The following BHMT2 variants were observed in gnomAD, a reference collection of about 807,000 sequenced individuals.
The protein encoded by BHMT2 is S-methylmethionine--homocysteine S-methyltransferase BHMT2.
Under a neutral mutation model 39.0 loss-of-function variants are expected in BHMT2, and 28 were observed. The ratio of observed to expected loss-of-function variants is 0.72; its 90% CI spans 0.53 to 0.98. The LOEUF is 0.98. BHMT2 is among the 50% of genes least tolerant of loss of function. The pLI is 0.00. For synonymous variants in BHMT2, 145 were observed against 160.6 expected (o/e 0.90, Z 0.74); for missense variants, 410 against 455.6 (o/e 0.90, Z 0.91).
In BHMT2 at chr5:79,088,642, C is replaced by A. The variant is rs1201662543; in HGVS notation, c.*68C>A. 2.4e-6 allele frequency: 3 copies of A among 1,271,044 alleles called. No homozygotes were observed. The highest frequency in any genetic ancestry group is 1.5e-5 in the African/African-American group (1 of 67,670). 78.7% of individuals were successfully genotyped at this position (1,271,044 alleles called of 1,614,324 possible). On this transcript the variant is annotated 3_prime_UTR_variant, in exon 8 of 8. Coordinates refer to ENST00000255192, the MANE Select transcript of BHMT2 (RefSeq NM_017614.5). Reference sequence around the variant, plus strand: ...GTTGCCCTCAAGCCTGACCTGGAACCGTTCCTCACCTTCATCCTCACCATG... The same window carrying A: ...GTTGCCCTCAAGCCTGACCTGGAACAGTTCCTCACCTTCATCCTCACCATG...
rs199517002 is a variant in BHMT2, at chr5:79,083,672, G to C, written c.826G>C (p.Ala276Pro). 9.3e-6 allele frequency: 15 copies of C among 1,613,966 alleles called. No homozygotes were observed. Among genetic ancestry groups the C allele is most frequent in the Non-Finnish European group, 1.3e-5 (15 of 1,179,980 alleles). The part of the protein sequence containing the change: ...VATRWDIQKY[A>P]REAYNLGVRY... ...CACCAGATGGGATATTCAAAAATAC[G>C]CCAGAGAGGCCTACAACCTGGGGGT... The change falls in exon 7 of 8, where the codon GCC becomes CCC. Residue 276 changes from alanine (A) to proline (P), a missense_variant. Coordinates refer to ENST00000255192, the MANE Select transcript of BHMT2 (RefSeq NM_017614.5).
chr5:79,077,859 A>T, intron 2 of BHMT2: 1 of 332,128 alleles, frequency 3.0e-6, no homozygotes, highest in Non-Finnish European at 5.6e-6. Context: ...ACACTCCCAC[A>T]CACACACATC....
intron 1 of BHMT2, among the ~76,000 whole-genome samples, chr5:79,073,742 A>G (rs1401280088): frequency 2.6e-5 from 4 of 152,240 alleles, no homozygotes; most frequent in Non-Finnish European, 5.9e-5. Context: ...TATGTTTAAC[A>G]TAGTTCACAC....
chr5:79,080,221 G>A (rs1027374806), intron 3 of BHMT2, among the ~76,000 whole-genome samples: 1 of 152,220 alleles, frequency 6.6e-6, no homozygotes, highest in Non-Finnish European at 1.5e-5. Context: ...TCTGTAAAAT[G>A]GAGACAACAG....
intron 4 of BHMT2, 168 bp downstream of exon 4, chr5:79,081,046 G>T: frequency 1.7e-6 from 1 of 594,856 alleles, no homozygotes; most frequent in Non-Finnish European, 2.7e-6. Context: ...TCCCTCATTG[G>T]TATGCTAGGT....
chr5:79,086,371 A>G (rs1755894274), intron 7 of BHMT2, among the ~76,000 whole-genome samples: 1 of 152,120 alleles, frequency 6.6e-6, no homozygotes, highest in African/African-American at 2.4e-5. Flanking sequence ...GGGACAGTCA[A>G]ATGAGTCATC....
intron 1 of BHMT2, among the ~76,000 whole-genome samples, chr5:79,076,538 T>C (rs971537719): frequency 3.9e-5 from 6 of 152,296 alleles, no homozygotes; most frequent in African/African-American, 1.4e-4. Context: ...AAATAAGTTA[T>C]GAGTGGGCTA....
chr5:79,086,298 C>T (rs905792133), intron 7 of BHMT2, among the ~76,000 whole-genome samples: 2 of 152,184 alleles, frequency 1.3e-5, no homozygotes, highest in Non-Finnish European at 2.9e-5. Context: ...AATTTAACAG[C>T]ACCCCTTTTG....
chr5:79,073,383 G>A (rs553437533), intron 1 of BHMT2, among the ~76,000 whole-genome samples: 3 of 152,108 alleles, frequency 2.0e-5, no homozygotes, highest in African/African-American at 4.8e-5. Context: ...GCATTTATTG[G>A]TCACATTCTG....
intron 4 of BHMT2, among the ~76,000 whole-genome samples, chr5:79,081,212 A>G (rs531971626): frequency 6.6e-6 from 1 of 152,272 alleles, no homozygotes; most frequent in South Asian, 2.1e-4. Context: ...CAGAGGGAGA[A>G]TCCACACAGG....
Position 79,080,896 on chromosome 5 carries a change from G to A in BHMT2, c.450+18G>A. 1 of 1,548,370 alleles carries A rather than the reference G, an allele frequency of 6.5e-7. No homozygotes were observed. Among genetic ancestry groups the A allele is most frequent in the Non-Finnish European group, 8.7e-7 (1 of 1,154,054 alleles). On this transcript the variant is annotated intron_variant, in intron 4 of 7. Transcript: ENST00000255192. ...TTGCAGAGGTGAGGCTAGTATTGGA[G>A]GAAAAGGATTGAACCTATTTTGCAA...
chr5:79,079,454 A>T lies in BHMT2; in HGVS notation c.252A>T (p.Glu84Asp). Residue 84 changes from glutamate (E) to aspartate (D), a missense_variant, in exon 3 of 8, where the codon GAA becomes GAT. Coordinates refer to ENST00000255192, the MANE Select transcript of BHMT2 (RefSeq NM_017614.5). ...FTFSASEDNM[E>D]SKWEDVNAAA... ...TTTCTGCCAGTGAGGACAATATGGAAAGCAAGGTAAACGGCAATGGCTGGG... is the reference window on the plus strand; with the variant it reads ...TTTCTGCCAGTGAGGACAATATGGATAGCAAGGTAAACGGCAATGGCTGGG... 6.2e-7 allele frequency: 1 copy of T among 1,611,894 alleles called. No individual in the cohort carries two copies. The highest frequency in any genetic ancestry group is 8.5e-7 in the Non-Finnish European group (1 of 1,178,136).
chr5:79,084,195 A>G (rs1281879954), intron 7 of BHMT2, among the ~76,000 whole-genome samples: 2 of 152,222 alleles, frequency 1.3e-5, no homozygotes, highest in Non-Finnish European at 2.9e-5. Context: ...CATTCCTTAT[A>G]GATGATACCT....
Position 79,083,787 on chromosome 5 carries a change from C to A in BHMT2, c.941C>A (p.Pro314Gln). 1 of 1,614,098 alleles carries A rather than the reference C, an allele frequency of 6.2e-7. No homozygotes were observed. The highest frequency in any genetic ancestry group is 8.5e-7 in the Non-Finnish European group (1 of 1,180,024). Reference sequence around the variant, plus strand: ...GCCCCAGAAAGGGGCTTTTTGCCACCAGCTTCAGAAAAACACGGCAGCTGG... The same window carrying A: ...GCCCCAGAAAGGGGCTTTTTGCCACAAGCTTCAGAAAAACACGGCAGCTGG... ...ELAPERGFLP[P>Q]ASEKHGSWGS... The change falls in exon 7 of 8, where the codon CCA becomes CAA. Residue 314 changes from proline to glutamine, a missense_variant. By Grantham distance (76) the Pro-to-Gln change is moderately conservative. Coordinates refer to ENST00000255192, the MANE Select transcript of BHMT2 (RefSeq NM_017614.5).
intron 1 of BHMT2, among the ~76,000 whole-genome samples, chr5:79,070,874 T>C (rs1224120192): frequency 6.6e-6 from 1 of 152,166 alleles, no homozygotes; most frequent in Non-Finnish European, 1.5e-5. Flanking sequence ...AAGGACACAA[T>C]AATGGTAATA....
At chr5:79,080,928 C>A in intron 4 of BHMT2, 50 bp downstream of exon 4, 1 of 1,467,462 alleles carries the variant, frequency 6.8e-7, no homozygotes. Context: ...GCAAGCATAA[C>A]TGCAGAGTCT....
rs1206072810 is a variant in BHMT2 at position 79,088,629 on chromosome 5, C to T, written c.*55C>T. On this transcript the variant is annotated 3_prime_UTR_variant, in exon 8 of 8. Coordinates refer to ENST00000255192, the MANE Select transcript of BHMT2 (RefSeq NM_017614.5). ...CGAACAGGAAAAAGTTGCCCTCAAG[C>T]CTGACCTGGAACCGTTCCTCACCTT... is the stretch of plus-strand genomic sequence containing the variant. The T allele has an allele frequency of 1.6e-5, 23 of 1,475,682 alleles. No homozygotes were observed. The highest frequency in any genetic ancestry group is 2.2e-5 in the Non-Finnish European group (23 of 1,059,668). 91.4% of individuals were successfully genotyped at this position (1,475,682 alleles called of 1,614,324 possible).
chr5:79,077,733 C>A, intron 2 of BHMT2, 121 bp downstream of exon 2: 1 of 1,248,566 alleles, frequency 8.0e-7, no homozygotes, highest in Non-Finnish European at 1.1e-6. Flanking sequence ...CTAAGATTGC[C>A]AAGATGTGGA....
At chr5:79,077,143 CAG>C (rs1434313577) in intron 1 of BHMT2, among the ~76,000 whole-genome samples, 1 of 152,200 alleles carries the variant, frequency 6.6e-6, no homozygotes, top group Non-Finnish European at 1.5e-5. Flanking sequence ...CACACAAAAA[CAG>C]GGGAGAGAAT....
Sources: allele counts gnomAD v4.1 joint callset (sites outside exome capture counted in the v4.1 genomes callset), GRCh38; gene constraint gnomAD v4.1.1; transcripts MANE v1.5; gene names NCBI Gene and HGNC (gene_info 2026-07-23, HGNC 2026-07-21).